The following ENTREP2 variants were observed in gnomAD, a reference collection of about 807,000 sequenced individuals.
ENTREP2 encodes the protein protein ENTREP2.
chr15:29,603,683 G>C, the ENTREP2 span, among the ~76,000 whole-genome samples: 6 of 152,056 alleles, frequency 3.9e-5, no homozygotes, highest in Non-Finnish European at 8.8e-5. Flanking sequence ...CTGTCATCCA[G>C]GCCAGAGTGC....
chr15:29,344,944 A>T, the ENTREP2 span, among the ~76,000 whole-genome samples: 1 of 150,324 alleles, frequency 6.7e-6, no homozygotes, highest in African/African-American at 2.5e-5. Context: ...ACACACACAC[A>T]CACACACACA....
the ENTREP2 span, among the ~76,000 whole-genome samples, chr15:29,548,137 C>T: frequency 6.6e-6 from 1 of 152,032 alleles, no homozygotes; most frequent in Non-Finnish European, 1.5e-5. Context: ...TGTGAATATA[C>T]TTAACAATAT....
At chr15:29,282,581 T>G in the ENTREP2 span, among the ~76,000 whole-genome samples, 1 of 152,116 alleles carries the variant, frequency 6.6e-6, no homozygotes, top group East Asian at 1.9e-4. Context: ...CTCTTCAAAT[T>G]GTTCCTCGTT....
chr15:29,342,886 G>A, the ENTREP2 span, among the ~76,000 whole-genome samples: 1 of 152,008 alleles, frequency 6.6e-6, no homozygotes, highest in African/African-American at 2.4e-5. Context: ...TCCCAGTTTG[G>A]TACTTTGCTT....
chr15:29,508,450 A>C, the ENTREP2 span, among the ~76,000 whole-genome samples: 1 of 152,304 alleles, frequency 6.6e-6, no homozygotes, highest in Non-Finnish European at 1.5e-5. Context: ...CAACAAGAAA[A>C]GAAAATTTCA....
the ENTREP2 span, among the ~76,000 whole-genome samples, chr15:29,408,643 T>C: frequency 1.3e-5 from 2 of 152,204 alleles, no homozygotes; most frequent in African/African-American, 4.8e-5. Flanking sequence ...TGGCTGACCC[T>C]CTCATTTACT....
At chr15:29,509,759 G>A in the ENTREP2 span, among the ~76,000 whole-genome samples, 33 of 152,158 alleles carry the variant, frequency 2.2e-4, no homozygotes, top group South Asian at 1.0e-3. Context: ...AACTCAAGAC[G>A]GATTAAAGAT....
the ENTREP2 span, among the ~76,000 whole-genome samples, chr15:29,197,780 A>G: frequency 3.3e-5 from 5 of 151,606 alleles, no homozygotes; most frequent in Non-Finnish European, 7.4e-5. Flanking sequence ...AAAAAAAAAA[A>G]TCAGTAAAAT....
the ENTREP2 span, among the ~76,000 whole-genome samples, chr15:29,633,482 A>G: frequency 6.6e-6 from 1 of 151,902 alleles, no homozygotes; most frequent in Non-Finnish European, 1.5e-5. Flanking sequence ...ATTGAAATGT[A>G]TTTGGTATGA....
the ENTREP2 span, among the ~76,000 whole-genome samples, chr15:29,454,259 C>T: frequency 6.6e-6 from 1 of 152,174 alleles, no homozygotes; most frequent in Non-Finnish European, 1.5e-5. Flanking sequence ...AACTAGAGTC[C>T]ACTGCAGATT....
At chr15:29,174,702 C>CAAAAAAAAAAAAAAAAAAAA in the ENTREP2 span, among the ~76,000 whole-genome samples, 4 of 115,968 alleles carry the variant, frequency 3.4e-5, no homozygotes, top group East Asian at 2.8e-4. Context: ...CAAAACAAAA[C>CAAAAAAAAAAAAAAAAAAAA]AAAACAACAA....
At chr15:29,562,996 T>C in the ENTREP2 span, among the ~76,000 whole-genome samples, 1 of 152,134 alleles carries the variant, frequency 6.6e-6, no homozygotes, top group African/African-American at 2.4e-5. Context: ...TTTGCCACGT[T>C]GTCCAGGCTG....
At chr15:29,316,540 T>C in the ENTREP2 span, among the ~76,000 whole-genome samples, 3 of 152,220 alleles carry the variant, frequency 2.0e-5, no homozygotes, top group Non-Finnish European at 4.4e-5. Flanking sequence ...GAGGTAGGCA[T>C]GTATGTATTT....
At chr15:29,282,265 A>G in the ENTREP2 span, among the ~76,000 whole-genome samples, 2 of 152,124 alleles carry the variant, frequency 1.3e-5, no homozygotes, top group African/African-American at 4.8e-5. Flanking sequence ...TGGTTTCATA[A>G]GGGGAAACTC....
the ENTREP2 span, among the ~76,000 whole-genome samples, chr15:29,626,237 G>A: frequency 6.6e-6 from 1 of 152,132 alleles, no homozygotes; most frequent in African/African-American, 2.4e-5. Context: ...TTCTGATAGG[G>A]TTTGGCTGTG....
chr15:29,140,443 G>T, the ENTREP2 span, among the ~76,000 whole-genome samples: 1 of 152,190 alleles, frequency 6.6e-6, no homozygotes, highest in African/African-American at 2.4e-5. Flanking sequence ...TACCACAGCT[G>T]TTTTTAAATC....
chr15:29,624,333 GCACACACA>G, the ENTREP2 span, among the ~76,000 whole-genome samples: 47 of 151,114 alleles, frequency 3.1e-4, no homozygotes, highest in African/African-American at 1.1e-3. Context: ...ATGCACGTGC[GCACACACA>G]CACACACACG....
chr15:29,461,505 G>A, the ENTREP2 span, among the ~76,000 whole-genome samples: 10 of 151,794 alleles, frequency 6.6e-5, no homozygotes, highest in East Asian at 5.8e-4. Context: ...TTTTTGAGAC[G>A]GAGTCTTGCT....
At chr15:29,421,525 G>C in the ENTREP2 span, among the ~76,000 whole-genome samples, 1 of 152,212 alleles carries the variant, frequency 6.6e-6, no homozygotes, top group African/African-American at 2.4e-5. Flanking sequence ...GCACAAGTTA[G>C]AGCAGGGAAC....
Sources: gnomAD v4.1 joint callset for allele counts (sites outside exome capture counted in the v4.1 genomes callset) on GRCh38, gnomAD v4.1.1 for gene constraint, MANE v1.5 for transcripts, NCBI Gene and HGNC (gene_info 2026-07-23, HGNC 2026-07-21) for gene names.